Variants in CDYL2 observed in about 807,000 individuals in gnomAD.
CDYL2 encodes the protein chromodomain Y like 2, also known as chromodomain Y-like protein 2.
Under a neutral mutation model 49.4 loss-of-function variants are expected in CDYL2, and 23 were observed. The ratio of observed to expected loss-of-function variants is 0.47; its 90% CI spans 0.34 to 0.66. The LOEUF is 0.66. Ranked by LOEUF, CDYL2 falls within the 30% of genes least tolerant of loss-of-function variation. CDYL2 has a pLI of 0.01. For missense variants in CDYL2, 678 were observed against 656.4 expected (o/e 1.03, Z -0.36); for synonymous variants, 360 against 268.8 (o/e 1.34, Z -3.32).
chr16:80,801,755 T>C (rs535644102), intron 1 of CDYL2, among the ~76,000 whole-genome samples: 138 of 152,366 alleles, frequency 9.1e-4, no homozygotes, highest in African/African-American at 3.2e-3. Context: ...ATCAATATGC[T>C]ACTTTTTACC....
At chr16:80,640,020 A>C (rs990572142) in intron 2 of CDYL2, among the ~76,000 whole-genome samples, 14 of 152,218 alleles carry the variant, frequency 9.2e-5, no homozygotes, top group South Asian at 8.3e-4. Flanking sequence ...GCCCTAGATA[A>C]ACCTGAAAGG....
chr16:80,614,830 T>C (rs1906755446), intron 4 of CDYL2, among the ~76,000 whole-genome samples: 1 of 146,774 alleles, frequency 6.8e-6, no homozygotes, highest in African/African-American at 2.6e-5. Flanking sequence ...GGCCACTGCA[T>C]TCCAGCCTGG....
chr16:80,610,811 C>T (rs954055227), intron 5 of CDYL2, among the ~76,000 whole-genome samples: 3 of 152,176 alleles, frequency 2.0e-5, no homozygotes, highest in Admixed American at 1.3e-4. Context: ...CTAAGGGGTG[C>T]TTCTCTGGCA....
At chr16:80,656,093 T>C (rs1597152123) in intron 2 of CDYL2, among the ~76,000 whole-genome samples, 1 of 152,226 alleles carries the variant, frequency 6.6e-6, no homozygotes. Flanking sequence ...AGATTCAATC[T>C]TACTTAGTAT....
intron 1 of CDYL2, among the ~76,000 whole-genome samples, chr16:80,795,021 G>C (rs1907728337): frequency 6.6e-6 from 1 of 152,154 alleles, no homozygotes; most frequent in African/African-American, 2.4e-5. Flanking sequence ...TTAAACAAAT[G>C]ACTACTTTCA....
intron 2 of CDYL2, among the ~76,000 whole-genome samples, chr16:80,681,156 A>G (rs1034888779): frequency 1.3e-5 from 2 of 152,144 alleles, no homozygotes; most frequent in Non-Finnish European, 2.9e-5. Flanking sequence ...CAGAACCTTA[A>G]CTCACCAAAG....
chr16:80,718,854 G>T (rs909568202), intron 1 of CDYL2, among the ~76,000 whole-genome samples: 2 of 152,190 alleles, frequency 1.3e-5, no homozygotes, highest in Non-Finnish European at 2.9e-5. Context: ...GCAGGGGAGC[G>T]CCTGGGGTCT....
intron 1 of CDYL2, among the ~76,000 whole-genome samples, chr16:80,687,935 T>C (rs1322276316): frequency 1.3e-5 from 2 of 152,182 alleles, no homozygotes; most frequent in Non-Finnish European, 2.9e-5. Context: ...AGAATGTTCC[T>C]CCACCTTTCA....
At chr16:80,606,629 C>A (rs1458699111) in intron 6 of CDYL2, among the ~76,000 whole-genome samples, 2 of 152,206 alleles carry the variant, frequency 1.3e-5, no homozygotes, top group East Asian at 1.9e-4. Context: ...TGATCAACCA[C>A]CCCTGTTTGC....
chr16:80,643,891 TC>T (rs1387124463), intron 2 of CDYL2, among the ~76,000 whole-genome samples: 1 of 152,242 alleles, frequency 6.6e-6, no homozygotes, highest in East Asian at 1.9e-4. Flanking sequence ...CCCGCAGACA[TC>T]TTCCCCACTG....
At chr16:80,677,368 T>C (rs2142462184) in intron 2 of CDYL2, among the ~76,000 whole-genome samples, 1 of 152,334 alleles carries the variant, frequency 6.6e-6, no homozygotes, top group South Asian at 2.1e-4. Flanking sequence ...TGATGTTATC[T>C]AGGTTTTCAG....
chr16:80,725,284 C>T (rs1480959663), intron 1 of CDYL2, among the ~76,000 whole-genome samples: 1 of 152,228 alleles, frequency 6.6e-6, no homozygotes, highest in Non-Finnish European at 1.5e-5. Context: ...CTTGGAGCAT[C>T]TTCCCTGACA....
intron 1 of CDYL2, among the ~76,000 whole-genome samples, chr16:80,765,057 C>CAAAAAA (rs933163217): frequency 2.1e-5 from 1 of 47,822 alleles, no homozygotes; most frequent in African/African-American, 7.1e-5. Flanking sequence ...GATTCCGTCT[C>CAAAAAA]AAAAAAAAAA....
Position 80,633,040 on chromosome 16 carries a change from A to C in CDYL2, c.813T>G (p.Asp271Glu). 6.2e-7 allele frequency: 1 copy of C among 1,614,066 alleles called. No homozygotes were observed. Among genetic ancestry groups the C allele is most frequent in the Non-Finnish European group, 8.5e-7 (1 of 1,179,986 alleles). Residue 271 changes from aspartate to glutamate, a missense_variant, in exon 3 of 7, where the codon GAT (aspartate) becomes GAG (glutamate). Coordinates refer to ENST00000570137, the MANE Select transcript of CDYL2 (RefSeq NM_152342.4). ...TTACCTCAGGTGTCAGGGCATTGTT[A>C]TCCGAGGTCTGACTGGACAGCAGGA... ...THILLSSQTS[D>E]NNALTPEIMK...
In CDYL2 at chr16:80,600,679, T is replaced by A. The variant is rs946811556; in HGVS notation, c.*3709A>T. The A allele has an allele frequency of 6.6e-6, 1 of 152,174 alleles. No homozygotes were observed. The highest frequency in any genetic ancestry group is 1.5e-5 in the Non-Finnish European group (1 of 68,024). The allele number at this position is 152,174 out of a possible 1,614,324, so 9.4% of individuals were successfully genotyped here. ...AAGATAAGCAATTCTGCATTTTAAA[T>A]ATTCACTTAGGAAGATTTGAAGATG... is the stretch of plus-strand genomic sequence containing the variant. On this transcript the variant is annotated 3_prime_UTR_variant, in exon 7 of 7. Transcript: ENST00000570137.
At chr16:80,735,280 T>G (rs1010753769) in intron 1 of CDYL2, 1 of 152,344 alleles carries the variant, frequency 6.6e-6, no homozygotes, top group South Asian at 2.1e-4. Context: ...AAATTCATAT[T>G]GTCTCTACTC....
At chr16:80,673,912 T>C (rs1251255396) in intron 2 of CDYL2, among the ~76,000 whole-genome samples, 3 of 152,120 alleles carry the variant, frequency 2.0e-5, no homozygotes, top group Non-Finnish European at 2.9e-5. Flanking sequence ...TGAGGATGGA[T>C]GCAAAGGTTA....
At chr16:80,725,285 T>A (rs887707631) in intron 1 of CDYL2, among the ~76,000 whole-genome samples, 2 of 152,206 alleles carry the variant, frequency 1.3e-5, no homozygotes, top group African/African-American at 4.8e-5. Flanking sequence ...TTGGAGCATC[T>A]TCCCTGACAT....
intron 1 of CDYL2, among the ~76,000 whole-genome samples, chr16:80,713,132 C>A (rs569423896): frequency 6.6e-6 from 1 of 152,228 alleles, no homozygotes; most frequent in African/African-American, 2.4e-5. Flanking sequence ...GGCCCATGAT[C>A]TGCTGCAGTC....
Sources: allele counts gnomAD v4.1 joint callset (sites outside exome capture counted in the v4.1 genomes callset), GRCh38; gene constraint gnomAD v4.1.1; transcripts MANE v1.5; gene names NCBI Gene and HGNC (gene_info 2026-07-23, HGNC 2026-07-21).